Variants in TUT7 observed in about 807,000 individuals in gnomAD.
TUT7 encodes terminal uridylyltransferase 7.
In TUT7, 33 loss-of-function variants were observed where a neutral mutation model predicts 165.9. That is an observed-to-expected ratio of 0.20 (90% CI 0.15 to 0.27). The LOEUF (loss-of-function observed/expected upper bound fraction) is 0.27, where lower values mean the gene tolerates loss of function less well. TUT7 is among the 10% of genes least tolerant of loss of function. TUT7 has a pLI of 1.00. For synonymous variants in TUT7, 552 were observed against 608.1 expected, an observed-to-expected ratio of 0.91 and a Z score of 1.36; for missense variants, 1,338 against 1,762.3, an observed-to-expected ratio of 0.76 and a Z score of 4.31.
rs750721919 is a variant in TUT7, at chr9:86,304,962, A to G, written c.3887-15T>C. ...AAAATTTGTCACTAAAAAGAAGAGT[A>G]AGAACTCACTTAGGCGGGTTAAAAG... On this transcript the variant is annotated splice_polypyrimidine_tract_variant and intron_variant, in intron 23 of 26. Coordinates refer to ENST00000375963, the MANE Select transcript of TUT7 (RefSeq NM_024617.4). 3.2e-6 allele frequency: 5 copies of G among 1,552,934 alleles called. No individual in the cohort carries two copies. In the Admixed American group the frequency reaches 8.7e-5, roughly 27 times the overall value.
intron 17 of TUT7, among the ~76,000 whole-genome samples, chr9:86,313,148 A>AT (rs898841935): frequency 5.3e-5 from 8 of 151,088 alleles, no homozygotes; most frequent in African/African-American, 1.5e-4. Context: ...AAATAAATAA[A>AT]TAAATAAATA....
chr9:86,315,362 C>T (rs1828606593), intron 17 of TUT7, among the ~76,000 whole-genome samples: 1 of 152,064 alleles, frequency 6.6e-6, no homozygotes, highest in African/African-American at 2.4e-5. Context: ...GAAATATATA[C>T]TGAGGTATTT....
chr9:86,311,666 C>T lies in TUT7; in HGVS notation c.3275-857G>A, dbSNP rs1342886066. 6.6e-5 allele frequency among the ~76,000 whole-genome samples: 10 copies of T among 152,072 alleles called. No individual in the cohort carries two copies. The East Asian group carries it at 1.9e-3, about 29-fold the overall frequency. On this transcript the variant is annotated intron_variant, in intron 17 of 26. Transcript: ENST00000375963. The surrounding 1 kb of genome is among the most constrained non-coding windows in gnomAD (Gnocchi z 4.4). ...CTCTGATGCCGGTCTCCCTCTGATGCCGAGCCGAAGCTGGACTGTACCGCT... is the reference window on the plus strand; with the variant it reads ...CTCTGATGCCGGTCTCCCTCTGATGTCGAGCCGAAGCTGGACTGTACCGCT...
rs1293246670 is a variant in TUT7 at position 86,323,014 on chromosome 9, T to C, written c.2736A>G (p.Gly912=). 3 of 1,614,178 alleles carry C rather than the reference T, an allele frequency of 1.9e-6. No homozygotes were observed. Among genetic ancestry groups the C allele is most frequent in the Non-Finnish European group, 2.5e-6 (3 of 1,180,018 alleles). Residue 912 remains glycine, a synonymous_variant, in exon 13 of 27, where the codon GGA becomes GGG. Transcript: ENST00000375963. ...CTAGGAGAGCTCTTTCTACATGTTT[T>C]CCACATTCTTTCACGTCTTCATACT... The part of the protein sequence containing the change: ...AAKYEDVKEC[G]KHVERALLVE...
At chr9:86,351,112 G>T (rs533117946) in intron 2 of TUT7, among the ~76,000 whole-genome samples, 1 of 146,848 alleles carries the variant, frequency 6.8e-6, no homozygotes, top group African/African-American at 2.6e-5. Context: ...TCCAGCCTGG[G>T]TGACACAGTG....
At position 86,301,368 on chromosome 9, in the gene TUT7, T is replaced by G; in HGVS notation, c.4328A>C (p.Gln1443Pro). Reference sequence around the variant, plus strand: ...TTTTTCTCTTAAGTCTTTGTCATCCTGTCTCTTCCATTTTTCTACTGGTGG... The same window carrying G: ...TTTTTCTCTTAAGTCTTTGTCATCCGGTCTCTTCCATTTTTCTACTGGTGG... ...LRPPVEKWKR[Q>P]DDKDLREKRC... Residue 1443 changes from glutamine (Q) to proline (P), a missense_variant, in exon 26 of 27, where the codon CAG (glutamine) becomes CCG (proline). This residue lies in a region of TUT7 where 167 missense variants were observed against 204.9 expected (regional missense o/e 0.82). Coordinates refer to ENST00000375963, the MANE Select transcript of TUT7 (RefSeq NM_024617.4). The G allele has an allele frequency of 6.2e-7, 1 of 1,614,178 alleles. No homozygotes were observed.
At position 86,323,807 on chromosome 9, in the gene TUT7, G is replaced by C; in HGVS notation, c.1943C>G (p.Thr648Arg). Residue 648 changes from threonine to arginine, a missense_variant, in exon 13 of 27, where the codon ACA becomes AGA. Physicochemically the swap from Thr to Arg is moderately conservative, Grantham distance 71 (BLOSUM62 -1). This residue lies in a region of TUT7 where 425 missense variants were observed against 474.9 expected (regional missense o/e 0.89). Coordinates refer to ENST00000375963, the MANE Select transcript of TUT7 (RefSeq NM_024617.4). ...TTCTTTAGAATGTTCTGAAATACAT[G>C]TAATTGCATTCAGAGGCTTTAGAAG... ...SSLLKPLNAI[T>R]CISEHSKEVI... 6.2e-7 allele frequency: 1 copy of C among 1,613,966 alleles called. No homozygotes were observed. The highest frequency in any genetic ancestry group is 8.5e-7 in the Non-Finnish European group (1 of 1,179,872).
At chr9:86,320,473 T>C (rs700764) in intron 14 of TUT7, among the ~76,000 whole-genome samples, 37,006 of 152,140 alleles carry the variant, frequency 0.24, 6,063 homozygotes, top group Non-Finnish European at 0.35. Flanking sequence ...TAATTAGCGT[T>C]ACTCAAAAAT....
intron 10 of TUT7, chr9:86,336,837 A>G (rs1046051654): frequency 2.6e-5 from 4 of 152,324 alleles, no homozygotes; most frequent in African/African-American, 9.6e-5. Context: ...TCAACTCAAC[A>G]TTAATTTATC....
rs1421403079 is a variant in TUT7, at chr9:86,323,194, T to G, written c.2556A>C (p.Glu852Asp). The G allele has an allele frequency of 1.2e-6, 2 of 1,614,020 alleles. No homozygotes were observed. The highest frequency in any genetic ancestry group is 1.7e-5 in the Admixed American group (1 of 59,980). Residue 852 changes from glutamate (E) to aspartate (D), a missense_variant, in exon 13 of 27, where the codon GAA (glutamate) becomes GAC (aspartate). By Grantham distance (45) the Glu-to-Asp change is conservative. Coordinates refer to ENST00000375963, the MANE Select transcript of TUT7 (RefSeq NM_024617.4). The stretch of plus-strand genomic sequence containing the variant: ...TAGGTTCTTCTTCCTCCTCCTCTTC[T>G]TCGTCGTCCTCCTCCTCTTCATCAG... ...IPSDEEEEDD[E>D]EEEEEEEPRL... is the part of the protein sequence containing the mutation.
At position 86,288,650 on chromosome 9, in the gene TUT7, C is replaced by T. The variant is rs748784225; in HGVS notation, c.*27G>A. 2 of 1,598,834 alleles carry T rather than the reference C, an allele frequency of 1.3e-6. No individual in the cohort carries two copies. The highest frequency in any genetic ancestry group is 8.6e-7 in the Non-Finnish European group (1 of 1,166,584). On this transcript the variant is annotated 3_prime_UTR_variant, in exon 27 of 27. Coordinates refer to ENST00000375963, the MANE Select transcript of TUT7 (RefSeq NM_024617.4). Reference sequence around the variant, plus strand: ...GAGTGAATAGGAACGCCTGAGTGGCCATTTAGAGTGCTGCATTTTCCTTCC... The same window carrying T: ...GAGTGAATAGGAACGCCTGAGTGGCTATTTAGAGTGCTGCATTTTCCTTCC...
chr9:86,295,739 A>G (rs2131270446), intron 26 of TUT7, among the ~76,000 whole-genome samples: 1 of 152,316 alleles, frequency 6.6e-6, no homozygotes, highest in African/African-American at 2.4e-5. Context: ...GTAAAAGAAT[A>G]CATCACCATG....
At chr9:86,298,484 G>A (rs538594983) in intron 26 of TUT7, among the ~76,000 whole-genome samples, 15 of 152,322 alleles carry the variant, frequency 9.8e-5, no homozygotes, top group African/African-American at 3.4e-4. Context: ...CAAAAAGCAC[G>A]GGACTGGAAC....
intron 9 of TUT7, among the ~76,000 whole-genome samples, chr9:86,337,758 T>C (rs1169445460): frequency 6.6e-6 from 1 of 152,256 alleles, no homozygotes; most frequent in Non-Finnish European, 1.5e-5. Flanking sequence ...TATTTAATCC[T>C]GTTAACCATA....
intron 11 of TUT7, among the ~76,000 whole-genome samples, chr9:86,326,726 G>A (rs1829829334): frequency 3.3e-5 from 5 of 152,220 alleles, no homozygotes; most frequent in Admixed American, 3.3e-4. Flanking sequence ...TGGCTTGTCA[G>A]AAGGTTGCAC....
rs1450950334 is a variant in TUT7, at chr9:86,288,047, T to G, written c.*630A>C. 6.6e-6 allele frequency: 1 copy of G among 152,232 alleles called. No homozygotes were observed. The highest frequency in any genetic ancestry group is 1.5e-5 in the Non-Finnish European group (1 of 68,046). 9.4% of individuals were successfully genotyped at this position (152,232 alleles called of 1,614,324 possible). ...TTTCCTTACTTCATTTTTATAAGCA[T>G]AGTAGTTATATGTCAATTTACTTAA... On this transcript the variant is annotated 3_prime_UTR_variant, in exon 27 of 27. Transcript: ENST00000375963.
chr9:86,328,581 T>C (rs1830020334), intron 10 of TUT7, 89 bp from the exon 11 acceptor site: 2 of 1,065,766 alleles, frequency 1.9e-6, no homozygotes, highest in African/African-American at 1.6e-5. Flanking sequence ...AAAATACTCA[T>C]AGTTCAACGA....
Position 86,323,110 on chromosome 9 carries a change from G to A in TUT7, c.2640C>T (p.Asp880=), listed in dbSNP as rs1587938203. Reference sequence around the variant, plus strand: ...CATCCCCTGACCCAGTGTAGGTGTTGTCTAACTCATCTTCATTAGCCATGC... The same window carrying A: ...CATCCCCTGACCCAGTGTAGGTGTTATCTAACTCATCTTCATTAGCCATGC... ...EDGMANEDEL[D]NTYTGSGDED... is the part of the protein sequence containing the mutation. Residue 880 remains aspartate, a synonymous_variant, in exon 13 of 27, where the codon GAC becomes GAT. Coordinates refer to ENST00000375963, the MANE Select transcript of TUT7 (RefSeq NM_024617.4). 2 of 1,614,156 alleles carry A rather than the reference G, an allele frequency of 1.2e-6. No homozygotes were observed. The highest frequency in any genetic ancestry group is 2.2e-5 in the South Asian group (2 of 91,084).
intron 10 of TUT7, among the ~76,000 whole-genome samples, chr9:86,333,318 TCTA>T (rs1160217206): frequency 7.2e-5 from 11 of 152,154 alleles, no homozygotes; most frequent in African/African-American, 2.7e-4. Flanking sequence ...CATTAGTCCT[TCTA>T]CTATTTCTTC....
Sources: allele counts gnomAD v4.1 joint callset (sites outside exome capture counted in the v4.1 genomes callset), GRCh38; gene constraint gnomAD v4.1.1; regional missense constraint gnomAD v4.1.1; non-coding constraint Gnocchi (gnomAD v3.1); transcripts MANE v1.5; gene names NCBI Gene and HGNC (gene_info 2026-07-23, HGNC 2026-07-21).